Variants in ATP2B2 observed in about 807,000 individuals in gnomAD.
ATP2B2 encodes plasma membrane calcium-transporting ATPase 2.
ATP2B2 carries 15 observed loss-of-function variants against 120.0 expected under a neutral mutation model. The observed-to-expected ratio is 0.12, with a 90% CI of 0.08 to 0.19. The LOEUF (loss-of-function observed/expected upper bound fraction) is 0.19, where lower values mean the gene tolerates loss of function less well. Among genes scored for constraint, ATP2B2 ranks in the 10% least tolerant of loss-of-function variants. The pLI, the probability that ATP2B2 is intolerant of heterozygous loss-of-function variation, is 1.00. For missense variants in ATP2B2, 1,045 were observed against 1,719.8 expected (o/e 0.61, Z 6.94); for synonymous variants, 694 against 700.3 (o/e 0.99, Z 0.14).
At chr3:10,598,239 G>A (rs1325287525) in intron 2 of ATP2B2, among the ~76,000 whole-genome samples, 3 of 152,296 alleles carry the variant, frequency 2.0e-5, no homozygotes, top group Admixed American at 6.5e-5. Context: ...TGGTAACTCC[G>A]TAGTGATTAA....
At chr3:10,425,034 T>C (rs1196949142) in intron 2 of ATP2B2, among the ~76,000 whole-genome samples, 1 of 152,074 alleles carries the variant, frequency 6.6e-6, no homozygotes, top group Non-Finnish European at 1.5e-5. Flanking sequence ...CTCACACCTG[T>C]AATCCCAGCA....
chr3:10,656,092 T>C (rs769806505), intron 1 of ATP2B2, among the ~76,000 whole-genome samples: 1 of 152,098 alleles, frequency 6.6e-6, no homozygotes, highest in African/African-American at 2.4e-5. Flanking sequence ...TGAATAGGTG[T>C]CTGACTTATT....
chr3:10,431,452 C>CA (rs2063312014), intron 2 of ATP2B2, among the ~76,000 whole-genome samples: 1 of 152,040 alleles, frequency 6.6e-6, no homozygotes, highest in Admixed American at 6.5e-5. Context: ...CCTTAACTGG[C>CA]AAAAAAATGA....
At chr3:10,546,298 C>A (rs550864492) in intron 2 of ATP2B2, among the ~76,000 whole-genome samples, 7 of 152,288 alleles carry the variant, frequency 4.6e-5, no homozygotes, top group African/African-American at 1.7e-4. Context: ...GGAGGTAGCA[C>A]GCTGAGAACC....
intron 2 of ATP2B2, among the ~76,000 whole-genome samples, chr3:10,556,791 C>A (rs1228432309): frequency 6.6e-6 from 1 of 152,176 alleles, no homozygotes; most frequent in African/African-American, 2.4e-5. Flanking sequence ...TTATTAATAA[C>A]AAACTCATAT....
intron 2 of ATP2B2, among the ~76,000 whole-genome samples, chr3:10,581,366 G>A (rs2068385467): frequency 6.6e-6 from 1 of 152,214 alleles, no homozygotes; most frequent in African/African-American, 2.4e-5. Flanking sequence ...AGATTTAGCT[G>A]GATGGTGGGG....
At chr3:10,378,153 C>A (rs1479434634) in intron 10 of ATP2B2, 99 bp downstream of exon 10, 21 of 1,491,876 alleles carry the variant, frequency 1.4e-5, no homozygotes, top group Non-Finnish European at 1.8e-5. Flanking sequence ...TCAAGCCCCC[C>A]ACTTTGCAGA....
chr3:10,661,047 GC>G (rs895091718), intron 1 of ATP2B2, among the ~76,000 whole-genome samples: 7 of 152,072 alleles, frequency 4.6e-5, no homozygotes, highest in Admixed American at 2.0e-4. Context: ...CAATTCAACA[GC>G]CCTTCATGCT....
rs75961239 is a variant in ATP2B2 at position 10,552,178 on chromosome 3, C to T, written c.-414-18045G>A. Among the ~76,000 whole-genome samples the T allele has an allele frequency of 2.4e-4, 36 of 152,358 alleles. No homozygotes were observed. In the East Asian group the frequency reaches 6.4e-3, roughly 27 times the overall value. On this transcript the variant is annotated intron_variant, in intron 2 of 21. Transcript: ENST00000646379. Reference sequence around the variant, plus strand: ...GCCGCCTCGGTGCCGGTTGGTGACTCATAGCACTGGCGAGGGGCGTGGGCG... The same window carrying T: ...GCCGCCTCGGTGCCGGTTGGTGACTTATAGCACTGGCGAGGGGCGTGGGCG...
intron 3 of ATP2B2, among the ~76,000 whole-genome samples, chr3:10,522,759 A>G (rs1251877303): frequency 1.3e-5 from 2 of 152,134 alleles, no homozygotes; most frequent in African/African-American, 2.4e-5. Context: ...AGGTGTCCTG[A>G]ACCTCCTTTT....
rs922276444 is a variant in ATP2B2, at chr3:10,504,240, G to A, written c.-320+1225C>T. 3.3e-5 allele frequency among the ~76,000 whole-genome samples: 5 copies of A among 151,760 alleles called. No homozygotes were observed. In the South Asian group the frequency reaches 6.3e-4, roughly 19 times the overall value. On this transcript the variant is annotated intron_variant, in intron 1 of 22. Coordinates refer to ENST00000360273, the MANE Select transcript of ATP2B2 (RefSeq NM_001001331.4). Reference sequence around the variant, plus strand: ...TGCTCCTTCAACGAAGTTAACAGGCGGAGGCCCCCAAGGCCTGCGCTCCAA... The same window carrying A: ...TGCTCCTTCAACGAAGTTAACAGGCAGAGGCCCCCAAGGCCTGCGCTCCAA...
chr3:10,476,456 C>T (rs2065206772), intron 1 of ATP2B2, among the ~76,000 whole-genome samples: 2 of 152,212 alleles, frequency 1.3e-5, no homozygotes, highest in South Asian at 4.1e-4. Flanking sequence ...ACCCAGAAAG[C>T]ATGGGAACAA....
intron 1 of ATP2B2, among the ~76,000 whole-genome samples, chr3:10,622,270 A>C (rs748170026): frequency 6.6e-6 from 1 of 152,174 alleles, no homozygotes; most frequent in African/African-American, 2.4e-5. Flanking sequence ...TTGGGATGAA[A>C]GATTGATGAG....
chr3:10,474,781 C>T (rs1302730082), intron 1 of ATP2B2, among the ~76,000 whole-genome samples: 1 of 152,244 alleles, frequency 6.6e-6, no homozygotes, highest in African/African-American at 2.4e-5. Flanking sequence ...AAGGCAAATG[C>T]TTTTCTAAAG....
Position 10,326,288 on chromosome 3 carries a change from TGA to T in ATP2B2, c.*2524_*2525del. On this transcript the variant is annotated 3_prime_UTR_variant, in exon 23 of 23. Coordinates refer to ENST00000360273, the MANE Select transcript of ATP2B2 (RefSeq NM_001001331.4). The stretch of plus-strand genomic sequence containing the variant: ...GTGTGTGTGTGTATGTGTGCAAGTG[TGA>T]GAGTGAGGGGGTGCATGTGTGCAAG... 1 of 156,884 alleles carries T rather than the reference TGA, an allele frequency of 6.4e-6. No homozygotes were observed. Among genetic ancestry groups the T allele is most frequent in the South Asian group, 2.1e-4 (1 of 4,842 alleles). The allele number at this position is 156,884 out of a possible 1,614,324, so 9.7% of individuals were successfully genotyped here.
chr3:10,360,938 A>G (rs1166605090), intron 12 of ATP2B2, among the ~76,000 whole-genome samples: 2 of 152,102 alleles, frequency 1.3e-5, no homozygotes, highest in Admixed American at 6.5e-5. Flanking sequence ...CTCCCTGGCC[A>G]TGGCAACCAC....
At chr3:10,385,354 A>G in intron 7 of ATP2B2, 27 bp from the exon 8 acceptor site, 1 of 1,607,494 alleles carries the variant, frequency 6.2e-7, no homozygotes, top group East Asian at 2.2e-5. Context: ...GGGATGGAAA[A>G]TGCAGTGTCA....
chr3:10,528,102 GC>G, intron 3 of ATP2B2, among the ~76,000 whole-genome samples: 1 of 152,284 alleles, frequency 6.6e-6, no homozygotes, highest in East Asian at 1.9e-4. Flanking sequence ...TTCTTCTTGG[GC>G]TTTTGTTCTC....
rs192177532 is a variant in ATP2B2 at position 10,370,765 on chromosome 3, G to A, written c.1659+1044C>T. ...AGAAGGAGGAGGAGGTCAGGGCTCA[G>A]CACATTGGGAGGGTAAACAAAAAAG... On this transcript the variant is annotated intron_variant, in intron 12 of 22. Transcript: ENST00000360273. Among the ~76,000 whole-genome samples, 21 of 152,342 alleles carry A rather than the reference G, an allele frequency of 1.4e-4. No individual in the cohort carries two copies. The East Asian group carries it at 4.1e-3, about 29-fold the overall frequency.
Sources: gnomAD v4.1 joint callset for allele counts (sites outside exome capture counted in the v4.1 genomes callset) on GRCh38, gnomAD v4.1.1 for gene constraint, MANE v1.5 for transcripts, NCBI Gene and HGNC (gene_info 2026-07-23, HGNC 2026-07-21) for gene names.